The following TMTC1 variants were observed in gnomAD, a reference collection of about 807,000 sequenced individuals.
TMTC1 encodes the protein transmembrane O-mannosyltransferase targeting cadherins 1.
TMTC1 carries 73 observed loss-of-function variants against 104.8 expected under a neutral mutation model. That is an observed-to-expected ratio of 0.70 (90% CI 0.58 to 0.85). TMTC1 has a LOEUF of 0.85. TMTC1 is among the 40% of genes least tolerant of loss of function. The pLI is 0.00. For missense variants in TMTC1, 1,035 were observed against 1,096.1 expected, an observed-to-expected ratio of 0.94 and a Z score of 0.79; for synonymous variants, 434 against 428.7, an observed-to-expected ratio of 1.01 and a Z score of -0.15.
chr12:29,645,775 G>A (rs1355654351), intron 5 of TMTC1, among the ~76,000 whole-genome samples: 1 of 152,176 alleles, frequency 6.6e-6, no homozygotes, highest in Non-Finnish European at 1.5e-5. Context: ...ATCAGGCTCA[G>A]GTCTCCAGGT....
chr12:29,529,281 C>T (rs114220984), intron 11 of TMTC1, among the ~76,000 whole-genome samples: 242 of 152,188 alleles, frequency 1.6e-3, no homozygotes, highest in African/African-American at 5.6e-3. Context: ...TAACAGATGG[C>T]CTGTAACAAT....
intron 5 of TMTC1, among the ~76,000 whole-genome samples, chr12:29,725,421 C>T (rs1175747124): frequency 6.6e-6 from 1 of 152,012 alleles, no homozygotes; most frequent in East Asian, 1.9e-4. Context: ...GCAACCTCAG[C>T]CTCCCAGGTT....
chr12:29,642,742 G>T (rs528665732), intron 5 of TMTC1, among the ~76,000 whole-genome samples: 1 of 152,124 alleles, frequency 6.6e-6, no homozygotes, highest in African/African-American at 2.4e-5. Context: ...TGGCTAACAT[G>T]GTGAAACCCC....
chr12:29,765,270 T>C (rs975431125), intron 2 of TMTC1, among the ~76,000 whole-genome samples: 4 of 152,208 alleles, frequency 2.6e-5, no homozygotes, highest in Non-Finnish European at 5.9e-5. Context: ...TCCTATGCAT[T>C]GTAGATATCG....
chr12:29,593,156 G>A (rs73266083), intron 7 of TMTC1, among the ~76,000 whole-genome samples: 2,533 of 152,266 alleles, frequency 0.017, 46 homozygotes, highest in African/African-American at 0.044. Context: ...TGCCATCCGT[G>A]AGTTCTGTGG....
At chr12:29,742,597 T>C (rs908588555) in intron 5 of TMTC1, among the ~76,000 whole-genome samples, 1 of 152,190 alleles carries the variant, frequency 6.6e-6, no homozygotes, top group African/African-American at 2.4e-5. Context: ...TATTATTTGC[T>C]TTTCAACCTA....
intron 10 of TMTC1, among the ~76,000 whole-genome samples, chr12:29,552,603 T>C (rs1450738536): frequency 6.6e-6 from 1 of 152,176 alleles, no homozygotes; most frequent in Admixed American, 6.5e-5. Flanking sequence ...GTGTCTTCTA[T>C]TTCCTTACTA....
intron 5 of TMTC1, among the ~76,000 whole-genome samples, chr12:29,725,728 G>A (rs1015205302): frequency 3.9e-5 from 6 of 152,140 alleles, no homozygotes; most frequent in African/African-American, 1.2e-4. Context: ...CAGGAAAAAC[G>A]TTTATTTGAT....
chr12:29,752,128 A>AACACACACACACAC (rs146261837), intron 4 of TMTC1, among the ~76,000 whole-genome samples: 5 of 150,196 alleles, frequency 3.3e-5, no homozygotes, highest in African/African-American at 7.3e-5. Flanking sequence ...GATGGCCACC[A>AACACACACACACAC]ACACACACAC....
At chr12:29,648,385 G>A (rs1383916734) in intron 5 of TMTC1, among the ~76,000 whole-genome samples, 1 of 152,126 alleles carries the variant, frequency 6.6e-6, no homozygotes, top group South Asian at 2.1e-4. Flanking sequence ...ATGGTCTTGG[G>A]TCTTGAAGAA....
chr12:29,755,206 G>A (rs1390902300), intron 4 of TMTC1, among the ~76,000 whole-genome samples: 5 of 152,254 alleles, frequency 3.3e-5, no homozygotes, highest in Middle Eastern at 3.4e-3. Context: ...TGACGTGTAC[G>A]TACTCCTGTA....
intron 5 of TMTC1, among the ~76,000 whole-genome samples, chr12:29,653,443 A>G (rs752765304): frequency 6.6e-6 from 1 of 152,206 alleles, no homozygotes; most frequent in Non-Finnish European, 1.5e-5. Context: ...CATGACTGAC[A>G]GGTTGTGTGT....
chr12:29,629,120 C>A (rs1185035981), intron 6 of TMTC1, among the ~76,000 whole-genome samples: 1 of 151,750 alleles, frequency 6.6e-6, no homozygotes, highest in Non-Finnish European at 1.5e-5. Context: ...GAGATTGAGA[C>A]CATCCTGGCT....
intron 5 of TMTC1, among the ~76,000 whole-genome samples, chr12:29,690,098 T>C (rs1051003926): frequency 1.3e-5 from 2 of 152,206 alleles, no homozygotes; most frequent in Non-Finnish European, 2.9e-5. Context: ...CAATCCCTGC[T>C]ATAATATAAT....
intron 2 of TMTC1, 68 bp downstream of exon 2, chr12:29,767,830 A>G (rs1592032250): frequency 3.6e-6 from 5 of 1,385,064 alleles, no homozygotes; most frequent in Admixed American, 3.8e-5. Flanking sequence ...ATGTGTGTGT[A>G]TACACGTATA....
chr12:29,688,449 T>A (rs935059159), intron 5 of TMTC1, among the ~76,000 whole-genome samples: 7 of 152,292 alleles, frequency 4.6e-5, no homozygotes, highest in African/African-American at 1.7e-4. Context: ...CTGTTCCCCA[T>A]TAGAGAAGAG....
Position 29,505,911 on chromosome 12 carries a change from C to G in TMTC1, c.*935G>C, listed in dbSNP as rs1943684656. The stretch of plus-strand genomic sequence containing the variant: ...ACATCATAAAGGTTCCTCAATGGTT[C>G]AATATATTTTTCAAAAAAATAATAA... On this transcript the variant is annotated 3_prime_UTR_variant, in exon 18 of 18. Transcript: ENST00000539277. 1 of 151,738 alleles carries G rather than the reference C, an allele frequency of 6.6e-6. No individual in the cohort carries two copies. Among genetic ancestry groups the G allele is most frequent in the Non-Finnish European group, 1.5e-5 (1 of 67,950 alleles). 9.4% of individuals were successfully genotyped at this position (151,738 alleles called of 1,614,324 possible).
At chr12:29,582,102 A>G (rs753018724) in intron 8 of TMTC1, among the ~76,000 whole-genome samples, 2 of 152,264 alleles carry the variant, frequency 1.3e-5, no homozygotes, top group African/African-American at 2.4e-5. Flanking sequence ...TAAATAAAGT[A>G]ATAGGACATG....
At chr12:29,658,081 A>G (rs1043835907) in intron 5 of TMTC1, among the ~76,000 whole-genome samples, 1 of 152,198 alleles carries the variant, frequency 6.6e-6, no homozygotes, top group South Asian at 2.1e-4. Context: ...AGACAGAGTG[A>G]GACTCCATGT....
Sources: allele counts gnomAD v4.1 joint callset (sites outside exome capture counted in the v4.1 genomes callset), GRCh38; gene constraint gnomAD v4.1.1; transcripts MANE v1.5; gene names NCBI Gene and HGNC (gene_info 2026-07-23, HGNC 2026-07-21).